The following MRTFA variants were observed in gnomAD, a reference collection of about 807,000 sequenced individuals.
MRTFA encodes the protein myocardin related transcription factor A, also known as myocardin-related transcription factor A.
In MRTFA, 20 loss-of-function variants were observed where a neutral mutation model predicts 83.5. That is an observed-to-expected ratio of 0.24 (90% CI 0.17 to 0.35). The LOEUF is 0.35. Ranked by LOEUF, MRTFA falls within the 10% of genes least tolerant of loss-of-function variation. MRTFA has a pLI of 1.00. For missense variants in MRTFA, 1,200 were observed against 1,224.7 expected, an observed-to-expected ratio of 0.98 and a Z score of 0.30; for synonymous variants, 659 against 541.2, an observed-to-expected ratio of 1.22 and a Z score of -3.02.
In MRTFA at chr22:40,419,070, G is replaced by A; in HGVS notation, c.1668C>T (p.Thr556=). Residue 556 remains threonine, a synonymous_variant, in exon 12 of 15, where the codon ACC becomes ACT. Coordinates refer to ENST00000355630, the MANE Select transcript of MRTFA (RefSeq NM_020831.6). ...TGCTGAGCAGTGAGCGCTCCGAGGG[G>A]GTGGGAGACACGGGGGGCGTGGAGC... The A allele has an allele frequency of 1.2e-6, 2 of 1,608,934 alleles. No homozygotes were observed. Among genetic ancestry groups the A allele is most frequent in the Middle Eastern group, 1.7e-4 (1 of 6,056 alleles).
chr22:40,571,961 A>C (rs572056594), intron 2 of MRTFA, among the ~76,000 whole-genome samples: 1 of 151,344 alleles, frequency 6.6e-6, no homozygotes, highest in African/African-American at 2.4e-5. Context: ...AGGGACAATA[A>C]GCACTTCAAA....
At position 40,410,545 on chromosome 22, in the gene MRTFA, G is replaced by A. The variant is rs530409428; in HGVS notation, c.*845C>T. ...TGAGTGGGTGGAGAGCTCCTGGCAG[G>A]AAGGCCAGGTAGCACCTCTGCCCTC... On this transcript the variant is annotated 3_prime_UTR_variant, in exon 15 of 15. Transcript: ENST00000355630. The A allele has an allele frequency of 1.3e-5, 3 of 233,462 alleles. No homozygotes were observed. The highest frequency in any genetic ancestry group is 1.8e-4 in the South Asian group (1 of 5,536). 14.5% of individuals were successfully genotyped at this position (233,462 alleles called of 1,614,324 possible). A position where few individuals can be genotyped will look rare whatever the true frequency, so the allele number is the denominator to read the frequency against.
At chr22:40,618,992 A>AT (rs1556027992) in intron 1 of MRTFA, among the ~76,000 whole-genome samples, 11,769 of 149,066 alleles carry the variant, frequency 0.079, 672 homozygotes, top group East Asian at 0.24. Context: ...AATAATTAAA[A>AT]ATATATATAT....
chr22:40,544,024 A>G (rs2055328051), intron 3 of MRTFA, among the ~76,000 whole-genome samples: 2 of 152,220 alleles, frequency 1.3e-5, no homozygotes, highest in Admixed American at 1.3e-4. Flanking sequence ...ACATACCCAC[A>G]TAGCTAAGTC....
At chr22:40,448,196 G>C (rs1444748549) in intron 4 of MRTFA, among the ~76,000 whole-genome samples, 2 of 152,250 alleles carry the variant, frequency 1.3e-5, no homozygotes, top group Non-Finnish European at 2.9e-5. Flanking sequence ...TGTAATCCCA[G>C]CTGCTCGGGA....
intron 4 of MRTFA, among the ~76,000 whole-genome samples, chr22:40,437,065 G>A (rs1205966168): frequency 6.6e-6 from 1 of 152,122 alleles, no homozygotes; most frequent in African/African-American, 2.4e-5. Flanking sequence ...AGTCTTAAAA[G>A]TACTACTGAG....
chr22:40,440,299 T>G (rs923132528), intron 4 of MRTFA, among the ~76,000 whole-genome samples: 9 of 152,204 alleles, frequency 5.9e-5, no homozygotes, highest in Non-Finnish European at 1.3e-4. Context: ...GTGATGAAAC[T>G]GACACTGGCT....
intron 2 of MRTFA, among the ~76,000 whole-genome samples, chr22:40,555,969 T>C (rs2055517472): frequency 1.3e-5 from 2 of 152,194 alleles, no homozygotes; most frequent in African/African-American, 4.8e-5. Flanking sequence ...GCATTTCTAA[T>C]GTGGGAAATG....
intron 3 of MRTFA, among the ~76,000 whole-genome samples, chr22:40,541,743 T>C (rs2055294194): frequency 6.6e-6 from 1 of 152,118 alleles, no homozygotes; most frequent in African/African-American, 2.4e-5. Context: ...CTCGGCTCAC[T>C]GTAATCTCCG....
At chr22:40,577,959 CT>C (rs960549961) in intron 2 of MRTFA, among the ~76,000 whole-genome samples, 3 of 151,182 alleles carry the variant, frequency 2.0e-5, no homozygotes, top group Non-Finnish European at 3.0e-5. Context: ...AATTCATGAT[CT>C]TTTTTTCCCC....
intron 3 of MRTFA, among the ~76,000 whole-genome samples, chr22:40,481,622 T>A (rs1232841649): frequency 6.6e-6 from 1 of 152,110 alleles, no homozygotes; most frequent in Non-Finnish European, 1.5e-5. Context: ...AAGGCCCTTT[T>A]GAAGAGACCG....
intron 2 of MRTFA, among the ~76,000 whole-genome samples, chr22:40,564,853 T>C (rs1289865991): frequency 6.6e-6 from 1 of 152,060 alleles, no homozygotes; most frequent in Admixed American, 6.5e-5. Flanking sequence ...GATTTCACCA[T>C]GTTGCCAGGC....
chr22:40,613,291 G>A (rs1342011437), intron 1 of MRTFA, among the ~76,000 whole-genome samples: 1 of 152,158 alleles, frequency 6.6e-6, no homozygotes, highest in Non-Finnish European at 1.5e-5. Context: ...GAATAAAGCT[G>A]CTATGAACAT....
At chr22:40,607,396 C>T (rs867618681) in intron 1 of MRTFA, among the ~76,000 whole-genome samples, 9 of 151,560 alleles carry the variant, frequency 5.9e-5, no homozygotes, top group East Asian at 2.0e-4. Flanking sequence ...CCCAGCTACA[C>T]GGGAGGCTGA....
chr22:40,587,151 G>T, intron 2 of MRTFA: 2 of 461,040 alleles, frequency 4.3e-6, no homozygotes, highest in Admixed American at 2.4e-5. Flanking sequence ...TTCTGCTAAG[G>T]TCTGTATTGA....
intron 3 of MRTFA, among the ~76,000 whole-genome samples, chr22:40,478,827 G>T (rs2054041259): frequency 6.6e-6 from 1 of 152,128 alleles, no homozygotes; most frequent in African/African-American, 2.4e-5. Context: ...ACCACACATG[G>T]ACACACCTTT....
intron 3 of MRTFA, among the ~76,000 whole-genome samples, chr22:40,513,565 C>T (rs2054702469): frequency 7.0e-6 from 1 of 143,280 alleles, no homozygotes; most frequent in Non-Finnish European, 1.5e-5. Context: ...CACACCATTG[C>T]ACTGCAGCCT....
chr22:40,469,487 A>T (rs564344581), intron 3 of MRTFA, among the ~76,000 whole-genome samples: 2 of 152,328 alleles, frequency 1.3e-5, no homozygotes, highest in East Asian at 3.9e-4. Flanking sequence ...ATGCTTGTAC[A>T]GCCTGAAAAA....
In MRTFA at chr22:40,418,526, G is replaced by T; in HGVS notation, c.2212C>A (p.Pro738Thr). 6.3e-7 allele frequency: 1 copy of T among 1,589,632 alleles called. No homozygotes were observed. The highest frequency in any genetic ancestry group is 8.5e-7 in the Non-Finnish European group (1 of 1,172,280). The stretch of plus-strand genomic sequence containing the variant: ...CCCTGAGGCCCCAGAAGCAACTGGG[G>T]GGCGGGGACCGGCTCGGGCTCAGGC... Residue 738 changes from proline to threonine, a missense_variant, in exon 12 of 15, where the codon CCC becomes ACC. Pro to Thr is a conservative substitution (Grantham distance 38). Transcript: ENST00000355630.
Sources: gnomAD v4.1 joint callset for allele counts (sites outside exome capture counted in the v4.1 genomes callset) on GRCh38, gnomAD v4.1.1 for gene constraint, MANE v1.5 for transcripts, NCBI Gene and HGNC (gene_info 2026-07-23, HGNC 2026-07-21) for gene names.